Variants in ROBO1 observed in about 807,000 individuals in gnomAD.
ROBO1 encodes roundabout homolog 1.
A neutral mutation model predicts 195.9 loss-of-function variants in ROBO1; 149 were observed. The observed-to-expected ratio is 0.76, with a 90% confidence interval of 0.67 to 0.87. The LOEUF (loss-of-function observed/expected upper bound fraction) is 0.87. Among genes scored for constraint, ROBO1 ranks in the 40% least tolerant of loss-of-function variants. The probability of loss-of-function intolerance (pLI) is 0.00; values close to 1 mark genes in which losing one functional copy is unlikely to be tolerated. For synonymous variants in ROBO1, 816 were observed against 733.2 expected, an observed-to-expected ratio of 1.11 and a Z score of -1.82; for missense variants, 1,933 against 2,068.3, an observed-to-expected ratio of 0.93 and a Z score of 1.27.
chr3:78,871,378 G>C (rs1340554259), intron 4 of ROBO1, among the ~76,000 whole-genome samples: 1 of 152,042 alleles, frequency 6.6e-6, no homozygotes, highest in Non-Finnish European at 1.5e-5. Context: ...TTCATCTTAT[G>C]CTTTAGGTTT....
chr3:78,729,933 A>T (rs1173001949), intron 5 of ROBO1, among the ~76,000 whole-genome samples: 1 of 152,214 alleles, frequency 6.6e-6, no homozygotes, highest in East Asian at 1.9e-4. Context: ...GGTAAAAAAC[A>T]AAGTCTTATG....
At chr3:78,631,412 T>C in intron 24 of ROBO1, 107 bp from the exon 25 acceptor site, 2 of 1,223,768 alleles carry the variant, frequency 1.6e-6, no homozygotes, top group Non-Finnish European at 2.2e-6. Flanking sequence ...TTCATTTATA[T>C]ATACAGAGAT....
intron 1 of ROBO1, among the ~76,000 whole-genome samples, chr3:79,637,181 A>C (rs1396952532): frequency 3.3e-5 from 5 of 152,204 alleles, no homozygotes; most frequent in Admixed American, 3.3e-4. Flanking sequence ...AAATAGAACA[A>C]GTAATTAATA....
At chr3:78,794,972 A>G (rs2108544751) in intron 4 of ROBO1, among the ~76,000 whole-genome samples, 1 of 152,340 alleles carries the variant, frequency 6.6e-6, no homozygotes, top group Non-Finnish European at 1.5e-5. Context: ...TCAGAAATGT[A>G]TCTTATAAGC....
Position 78,730,395 on chromosome 3 carries a change from GC to G in ROBO1, c.658-12513del, listed in dbSNP as rs557911562. 1.4e-3 allele frequency among the ~76,000 whole-genome samples: 172 copies of G among 121,802 alleles called. 14 individuals carry two copies. Among genetic ancestry groups the G allele is most frequent in the African/African-American group, 4.2e-3 (171 of 40,460 alleles). 79.9% of individuals were successfully genotyped at this position (121,802 alleles called of 152,430 possible). ...GCAAAGTCAAATCAAGGTTGGGTAT[GC>G]AAGGGATTCCTTGATATAGATTGAC... On this transcript the variant is annotated intron_variant, in intron 5 of 30. Transcript: ENST00000464233.
At chr3:79,373,120 G>A (rs2036258424) in intron 2 of ROBO1, among the ~76,000 whole-genome samples, 1 of 152,064 alleles carries the variant, frequency 6.6e-6, no homozygotes, top group South Asian at 2.1e-4. Flanking sequence ...CTGCAGTTGT[G>A]TTTGATACTA....
chr3:79,631,131 A>G (rs1945328258), intron 1 of ROBO1, among the ~76,000 whole-genome samples: 1 of 151,836 alleles, frequency 6.6e-6, no homozygotes, highest in Non-Finnish European at 1.5e-5. Flanking sequence ...GAGTTTTCAC[A>G]TAATTAGAAA....
intron 4 of ROBO1, among the ~76,000 whole-genome samples, chr3:78,903,852 T>C (rs893948487): frequency 3.3e-5 from 5 of 152,028 alleles, no homozygotes; most frequent in African/African-American, 7.2e-5. Context: ...CTGAGTAAAA[T>C]AGAATAGACC....
At chr3:78,918,461 T>A (rs1408600184) in intron 4 of ROBO1, among the ~76,000 whole-genome samples, 2 of 152,134 alleles carry the variant, frequency 1.3e-5, no homozygotes, top group Non-Finnish European at 2.9e-5. Context: ...TTTTGTTCAA[T>A]TCAGAGAACT....
intron 3 of ROBO1, among the ~76,000 whole-genome samples, chr3:79,000,268 G>T (rs180822191): frequency 1.3e-5 from 2 of 152,210 alleles, no homozygotes; most frequent in African/African-American, 4.8e-5. Flanking sequence ...CTTTGATGGG[G>T]TTGTTTTTTT....
intron 4 of ROBO1, among the ~76,000 whole-genome samples, chr3:78,935,367 G>A (rs2039747956): frequency 6.6e-6 from 1 of 152,026 alleles, no homozygotes; most frequent in African/African-American, 2.4e-5. Flanking sequence ...AGCAGATGAT[G>A]TAGAGAGCCA....
chr3:78,652,352 A>G (rs1280857828), intron 18 of ROBO1, among the ~76,000 whole-genome samples: 1 of 152,166 alleles, frequency 6.6e-6, no homozygotes, highest in African/African-American at 2.4e-5. Flanking sequence ...GTATTCACGG[A>G]CAATAAACTT....
intron 4 of ROBO1, among the ~76,000 whole-genome samples, chr3:78,882,730 G>A (rs1045283199): frequency 5.3e-5 from 8 of 150,784 alleles, no homozygotes; most frequent in African/African-American, 1.7e-4. Flanking sequence ...TATTTAATTC[G>A]TTTACTTATT....
chr3:78,688,607 C>A, intron 9 of ROBO1, 41 bp downstream of exon 9: 3 of 1,524,158 alleles, frequency 2.0e-6, no homozygotes, highest in South Asian at 1.3e-5. Context: ...TGGCAACCAT[C>A]TTTGCTGATT....
intron 27 of ROBO1, among the ~76,000 whole-genome samples, chr3:78,615,406 C>T (rs1704053678): frequency 1.3e-5 from 2 of 152,136 alleles, no homozygotes; most frequent in Non-Finnish European, 2.9e-5. Flanking sequence ...GTTCTGGATA[C>T]TTAACGTGAT....
At chr3:79,424,188 T>C (rs531992369) in intron 2 of ROBO1, among the ~76,000 whole-genome samples, 2 of 152,218 alleles carry the variant, frequency 1.3e-5, no homozygotes, top group South Asian at 4.1e-4. Context: ...ACATTTTTAA[T>C]TGTAGAAAAA....
intron 28 of ROBO1, among the ~76,000 whole-genome samples, chr3:78,610,959 T>C (rs996637381): frequency 6.6e-6 from 1 of 152,188 alleles, no homozygotes; most frequent in Non-Finnish European, 1.5e-5. Flanking sequence ...CACATAGTGA[T>C]ATATAGTGCT....
chr3:79,312,529 A>T (rs2033535721), intron 2 of ROBO1, among the ~76,000 whole-genome samples: 1 of 152,222 alleles, frequency 6.6e-6, no homozygotes. Context: ...TATAGTGAAA[A>T]GTATATCTCT....
chr3:78,672,950 A>G lies in ROBO1; in HGVS notation c.1343-2649T>C, dbSNP rs79641973. ...CAGAAATGTTCCATATCTACAACAG[A>G]AATGTTCCATATCTACTCTCTCCAA... On this transcript the variant is annotated intron_variant, in intron 10 of 30. Transcript: ENST00000464233. Among the ~76,000 whole-genome samples the G allele has an allele frequency of 7.5e-3, 1,144 of 152,306 alleles. 8 individuals carry two copies. Among genetic ancestry groups the G allele is most frequent in the African/African-American group, 0.026 (1,094 of 41,552 alleles).
Sources: gnomAD v4.1 joint callset for allele counts (sites outside exome capture counted in the v4.1 genomes callset) on GRCh38, gnomAD v4.1.1 for gene constraint, MANE v1.5 for transcripts, NCBI Gene and HGNC (gene_info 2026-07-23, HGNC 2026-07-21) for gene names.